IPO11: variants seen among roughly 807,000 people sequenced by gnomAD.
IPO11 encodes importin 11, also known as importin-11.
Under a neutral mutation model 143.2 loss-of-function variants are expected in IPO11, and 66 were observed. The ratio of observed to expected loss-of-function variants is 0.46; its 90% CI spans 0.38 to 0.57. The LOEUF is 0.57. Among genes scored for constraint, IPO11 ranks in the 20% least tolerant of loss-of-function variants. The probability of loss-of-function intolerance (pLI) is 0.00; values close to 1 mark genes in which losing one functional copy is unlikely to be tolerated. For synonymous variants in IPO11, 385 were observed against 377.8 expected (o/e 1.02, Z -0.22); for missense variants, 1,026 against 1,141.0 (o/e 0.90, Z 1.45).
At chr5:62,432,895 T>C (rs1440595588) in intron 1 of IPO11, among the ~76,000 whole-genome samples, 1 of 152,214 alleles carries the variant, frequency 6.6e-6, no homozygotes, top group Non-Finnish European at 1.5e-5. Flanking sequence ...GAATTTACTC[T>C]GTTGGTTAAG....
intron 1 of IPO11, among the ~76,000 whole-genome samples, chr5:62,416,277 G>A (rs909418387): frequency 6.9e-6 from 1 of 144,986 alleles, no homozygotes; most frequent in East Asian, 2.1e-4. Flanking sequence ...CCGCCTTCCC[G>A]GTTCAAGCGA....
At chr5:62,528,078 AAGAAG>A (rs1208318857) in intron 21 of IPO11, among the ~76,000 whole-genome samples, 2 of 152,248 alleles carry the variant, frequency 1.3e-5, no homozygotes, top group African/African-American at 4.8e-5. Context: ...AAGATTGCCT[AAGAAG>A]AGAAGGACAG....
chr5:62,476,026 T>G (rs1745945749), intron 8 of IPO11, among the ~76,000 whole-genome samples: 1 of 152,222 alleles, frequency 6.6e-6, no homozygotes, highest in African/African-American at 2.4e-5. Context: ...AAAACATTGT[T>G]GAGCCTGTGG....
intron 27 of IPO11, among the ~76,000 whole-genome samples, chr5:62,577,914 T>C (rs1744380348): frequency 6.6e-6 from 1 of 152,084 alleles, no homozygotes. Context: ...AAGTCAGAAT[T>C]AGAAAGCTTA....
chr5:62,502,243 A>C (rs1741370041), intron 16 of IPO11, among the ~76,000 whole-genome samples: 1 of 151,976 alleles, frequency 6.6e-6, no homozygotes. Context: ...GAATTTTCTG[A>C]GGTTTCAGCT....
chr5:62,596,952 C>T (rs918857289), intron 28 of IPO11, among the ~76,000 whole-genome samples: 4 of 152,190 alleles, frequency 2.6e-5, no homozygotes, highest in African/African-American at 9.7e-5. Context: ...GTGTGTCAAG[C>T]CCTTATCCTC....
intron 2 of IPO11, 113 bp downstream of exon 2, chr5:62,437,530 C>A: frequency 1.3e-6 from 1 of 767,186 alleles, no homozygotes; most frequent in Non-Finnish European, 2.0e-6. Context: ...AGATGTTTGG[C>A]TGCTGATGCC....
chr5:62,567,302 A>G (rs375807751), intron 27 of IPO11, among the ~76,000 whole-genome samples: 8 of 151,754 alleles, frequency 5.3e-5, no homozygotes, highest in African/African-American at 1.7e-4. Context: ...GAGCCCCTTT[A>G]TATGTTACTG....
intron 20 of IPO11, among the ~76,000 whole-genome samples, chr5:62,524,271 A>G (rs543634795): frequency 2.6e-5 from 4 of 152,144 alleles, no homozygotes; most frequent in Non-Finnish European, 5.9e-5. Context: ...GTATAGTAGA[A>G]TTAGTATTCT....
At chr5:62,418,872 G>T (rs1743390865) in intron 1 of IPO11, 3 of 948,034 alleles carry the variant, frequency 3.2e-6, no homozygotes, top group African/African-American at 1.6e-5. Context: ...CTGTGCAGGG[G>T]TTTCTGTGAT....
intron 29 of IPO11, among the ~76,000 whole-genome samples, chr5:62,622,986 C>T (rs184927103): frequency 6.3e-4 from 96 of 152,276 alleles, no homozygotes; most frequent in African/African-American, 2.2e-3. Context: ...TGTATTGCTG[C>T]GCCCTGTTGA....
rs1414259524 is a variant in IPO11, at chr5:62,536,244, G to A, written c.2090-458G>A. ...TGATGGTAAAATGATTCAGTTTCATGTAGTATGCCATGCTAGCAGTAAAAA... is the reference window on the plus strand; with the variant it reads ...TGATGGTAAAATGATTCAGTTTCATATAGTATGCCATGCTAGCAGTAAAAA... On this transcript the variant is annotated intron_variant, in intron 22 of 29. Transcript: ENST00000325324. 2.6e-5 allele frequency among the ~76,000 whole-genome samples: 4 copies of A among 152,216 alleles called. 1 individual carries two copies. In the South Asian group the frequency reaches 8.3e-4, roughly 32 times the overall value.
chr5:62,427,586 A>T (rs150346374), intron 1 of IPO11, among the ~76,000 whole-genome samples: 137 of 152,340 alleles, frequency 9.0e-4, no homozygotes, highest in African/African-American at 3.0e-3. Flanking sequence ...ACCTCCTGTC[A>T]GATCAGCAGC....
At chr5:62,552,502 A>G (rs554656274) in intron 26 of IPO11, among the ~76,000 whole-genome samples, 229 of 147,030 alleles carry the variant, frequency 1.6e-3, no homozygotes, top group Middle Eastern at 3.6e-3. Flanking sequence ...AGTAGAGATG[A>G]GGTCTTGCTA....
At chr5:62,436,154 A>G (rs1266420553) in intron 1 of IPO11, among the ~76,000 whole-genome samples, 3 of 152,150 alleles carry the variant, frequency 2.0e-5, no homozygotes. Context: ...GCCCTGCTTT[A>G]CTTACATAGG....
intron 27 of IPO11, chr5:62,581,329 A>G: frequency 6.8e-7 from 1 of 1,468,762 alleles, no homozygotes; most frequent in South Asian, 1.5e-5. Context: ...ATTGTCTATA[A>G]GAAACTTCAG....
intron 27 of IPO11, among the ~76,000 whole-genome samples, chr5:62,573,820 C>T (rs534430613): frequency 6.6e-6 from 1 of 152,268 alleles, no homozygotes; most frequent in East Asian, 1.9e-4. Flanking sequence ...AGCCTTGATG[C>T]CCCTGCAGTA....
chr5:62,531,078 C>G (rs1377365372), intron 22 of IPO11, among the ~76,000 whole-genome samples: 1 of 152,148 alleles, frequency 6.6e-6, no homozygotes, highest in South Asian at 2.1e-4. Flanking sequence ...TGATTATGTC[C>G]TTGAGTACTC....
chr5:62,513,535 G>T (rs1463275769), intron 19 of IPO11, among the ~76,000 whole-genome samples: 1 of 147,352 alleles, frequency 6.8e-6, no homozygotes, highest in African/African-American at 2.5e-5. Flanking sequence ...CTGGCCGGGC[G>T]GGGGGCTGAG....
Sources: allele counts gnomAD v4.1 joint callset (sites outside exome capture counted in the v4.1 genomes callset), GRCh38; gene constraint gnomAD v4.1.1; transcripts MANE v1.5; gene names NCBI Gene and HGNC (gene_info 2026-07-23, HGNC 2026-07-21).